The following ATXN1 variants were observed in gnomAD, a reference collection of about 807,000 sequenced individuals.
ATXN1 encodes ataxin 1.
A neutral mutation model predicts 56.4 loss-of-function variants in ATXN1; 8 were observed. The ratio of observed to expected loss-of-function variants is 0.14; its 90% CI spans 0.08 to 0.26. ATXN1 has a LOEUF of 0.26. Ranked by LOEUF, ATXN1 falls within the 10% of genes least tolerant of loss-of-function variation. The pLI is 1.00. For missense variants in ATXN1, 987 were observed against 1,106.5 expected (o/e 0.89, Z 1.53); for synonymous variants, 514 against 494.6 (o/e 1.04, Z -0.52).
chr6:16,516,658 T>C (rs1362296640), intron 5 of ATXN1, among the ~76,000 whole-genome samples: 2 of 152,238 alleles, frequency 1.3e-5, no homozygotes, highest in African/African-American at 4.8e-5. Context: ...AGGGTTGACC[T>C]TTCTGCAACA....
chr6:16,714,188 CA>C (rs772719918), intron 2 of ATXN1, among the ~76,000 whole-genome samples: 23 of 124,368 alleles, frequency 1.8e-4, no homozygotes, highest in African/African-American at 5.3e-4. Flanking sequence ...ACACCACACA[CA>C]CACACACACA....
intron 3 of ATXN1, among the ~76,000 whole-genome samples, chr6:16,598,644 T>A (rs757143178): frequency 7.2e-5 from 11 of 152,060 alleles, no homozygotes; most frequent in African/African-American, 1.2e-4. Context: ...ACACAGCAGG[T>A]CATAAGAAGT....
chr6:16,632,119 T>C (rs1434874071), intron 3 of ATXN1, among the ~76,000 whole-genome samples: 1 of 152,158 alleles, frequency 6.6e-6, no homozygotes, highest in Non-Finnish European at 1.5e-5. Context: ...TGCCTTCCTT[T>C]TCCTCTCTGG....
chr6:16,517,110 T>A (rs1561735576), intron 5 of ATXN1, among the ~76,000 whole-genome samples: 1 of 152,256 alleles, frequency 6.6e-6, no homozygotes, highest in Non-Finnish European at 1.5e-5. Context: ...CAAGAAGGCA[T>A]TAGCTATTCA....
intron 6 of ATXN1, among the ~76,000 whole-genome samples, chr6:16,409,450 C>T (rs1758753291): frequency 6.6e-6 from 1 of 152,022 alleles, no homozygotes; most frequent in Non-Finnish European, 1.5e-5. Context: ...GTCAGGAGTT[C>T]AAGACCAGCC....
At chr6:16,747,109 A>G (rs927072280) in intron 2 of ATXN1, among the ~76,000 whole-genome samples, 2 of 152,226 alleles carry the variant, frequency 1.3e-5, no homozygotes, top group Admixed American at 6.5e-5. Context: ...AAAGATCATT[A>G]AACATTCTAT....
At chr6:16,735,771 T>G (rs1760107626) in intron 2 of ATXN1, among the ~76,000 whole-genome samples, 1 of 152,076 alleles carries the variant, frequency 6.6e-6, no homozygotes, top group Non-Finnish European at 1.5e-5. Context: ...TGCAGTGAGC[T>G]GAGATCGTGC....
Position 16,327,553 on chromosome 6 carries a change from G to T in ATXN1, c.758C>A (p.Ser253Tyr). Reference sequence around the variant, plus strand: ...GGCGGTGCGGCCGGTGTTCTGCGGAGAACTGGAAATGTGGACGTACTGGTT... The same window carrying T: ...GGCGGTGCGGCCGGTGTTCTGCGGATAACTGGAAATGTGGACGTACTGGTT... ...QQNQYVHISS[S>Y]PQNTGRTASP... The change falls in exon 7 of 8, where the codon TCT (serine) becomes TAT (tyrosine). Residue 253 changes from serine to tyrosine, a missense_variant. Coordinates refer to ENST00000436367, the MANE Select transcript of ATXN1 (RefSeq NM_001128164.2). 1.2e-6 allele frequency: 2 copies of T among 1,607,566 alleles called. No homozygotes were observed. The highest frequency in any genetic ancestry group is 1.7e-6 in the Non-Finnish European group (2 of 1,177,418).
chr6:16,465,438 CAA>C (rs1403145531), intron 6 of ATXN1, among the ~76,000 whole-genome samples: 3 of 152,150 alleles, frequency 2.0e-5, no homozygotes, highest in Admixed American at 6.5e-5. Context: ...GCCTGGGTGA[CAA>C]GAGTGAAATT....
chr6:16,410,812 G>T lies in ATXN1; in HGVS notation c.-161+75160C>A. On this transcript the variant is annotated intron_variant, in intron 6 of 7. Coordinates refer to ENST00000436367, the MANE Select transcript of ATXN1 (RefSeq NM_001128164.2). This position sits in a 1 kb window ranked among gnomAD's most constrained non-coding sequence, Gnocchi z 4.6. The stretch of plus-strand genomic sequence containing the variant: ...AGCAGTACGTATTTTGAATGAGAAC[G>T]GCCAGTGCTAAAGATGGAAAATAGG... Among the ~76,000 whole-genome samples, 1 of 152,184 alleles carries T rather than the reference G, an allele frequency of 6.6e-6. No individual in the cohort carries two copies. The highest frequency in any genetic ancestry group is 1.5e-5 in the Non-Finnish European group (1 of 68,016).
chr6:16,379,519 C>A (rs1038977166), intron 6 of ATXN1, among the ~76,000 whole-genome samples: 4 of 152,172 alleles, frequency 2.6e-5, no homozygotes, highest in African/African-American at 9.7e-5. Flanking sequence ...CAATTCTATT[C>A]CTTTGTGTCC....
chr6:16,384,259 C>T (rs537022618), intron 6 of ATXN1, among the ~76,000 whole-genome samples: 24 of 152,202 alleles, frequency 1.6e-4, no homozygotes, highest in African/African-American at 5.5e-4. Flanking sequence ...TAAAGGTAAT[C>T]GTGATTAAAC....
At chr6:16,310,531 G>A (rs1294183971) in intron 7 of ATXN1, among the ~76,000 whole-genome samples, 1 of 152,102 alleles carries the variant, frequency 6.6e-6, no homozygotes, top group Non-Finnish European at 1.5e-5. Flanking sequence ...CGCCCAGGCT[G>A]GAGTGCAGTG....
rs567140729 is a variant in ATXN1 at position 16,706,866 on chromosome 6, T to A, written c.-615+46367A>T. 7.9e-5 allele frequency among the ~76,000 whole-genome samples: 12 copies of A among 152,272 alleles called. No homozygotes were observed. In the South Asian group the frequency reaches 1.5e-3, roughly 18 times the overall value. Reference sequence around the variant, plus strand: ...ATCCTCCTTCTTCCAATCCATCCCATAAATGCTTTTCAAATTTCTCTTCTC... The same window carrying A: ...ATCCTCCTTCTTCCAATCCATCCCAAAAATGCTTTTCAAATTTCTCTTCTC... On this transcript the variant is annotated intron_variant, in intron 2 of 7. Transcript: ENST00000436367.
rs569548410 is a variant in ATXN1, at chr6:16,580,453, T to C, written c.-361+5327A>G. 3.3e-5 allele frequency among the ~76,000 whole-genome samples: 5 copies of C among 152,346 alleles called. No individual in the cohort carries two copies. The South Asian group carries it at 1.0e-3, about 32-fold the overall frequency. ...CTTTGAGTAGTATGGTTTGCCAACA[T>C]TGAAAGCAGCATTAGTGTAGCAGGG... On this transcript the variant is annotated intron_variant, in intron 4 of 7. Transcript: ENST00000436367.
chr6:16,412,039 T>C (rs780916622), intron 6 of ATXN1, among the ~76,000 whole-genome samples: 11 of 152,214 alleles, frequency 7.2e-5, no homozygotes, highest in Non-Finnish European at 1.5e-4. Flanking sequence ...CATGAAGTAC[T>C]GTATAGGCTT....
chr6:16,480,429 T>C (rs745882475), intron 6 of ATXN1, among the ~76,000 whole-genome samples: 6 of 152,064 alleles, frequency 3.9e-5, no homozygotes, highest in Non-Finnish European at 7.4e-5. Flanking sequence ...AAGGCTCAAT[T>C]TAGATGTCTT....
At chr6:16,637,738 T>TA (rs922571652) in intron 3 of ATXN1, among the ~76,000 whole-genome samples, 7 of 152,184 alleles carry the variant, frequency 4.6e-5, no homozygotes, top group Admixed American at 1.3e-4. Context: ...GCTAAACACC[T>TA]AAAAAACTCT....
rs73368730 is a variant in ATXN1 at position 16,549,020 on chromosome 6, C to T, written c.-360-26332G>A. Among the ~76,000 whole-genome samples the T allele has an allele frequency of 6.8e-3, 1,034 of 152,302 alleles. 6 individuals are homozygous for T. The highest frequency in any genetic ancestry group is 0.023 in the African/African-American group (972 of 41,570). On this transcript the variant is annotated intron_variant, in intron 4 of 7. Coordinates refer to ENST00000436367, the MANE Select transcript of ATXN1 (RefSeq NM_001128164.2). ...ACAGGGTCAGGATCATTCATATCAC[C>T]TCTACCTCCACATCTTGTCCCACTG... is the stretch of plus-strand genomic sequence containing the variant.
Sources: gnomAD v4.1 joint callset for allele counts (sites outside exome capture counted in the v4.1 genomes callset) on GRCh38, gnomAD v4.1.1 for gene constraint, Gnocchi (gnomAD v3.1) non-coding constraint, MANE v1.5 for transcripts, NCBI Gene and HGNC (gene_info 2026-07-23, HGNC 2026-07-21) for gene names.